Variants in VTI1A observed in about 807,000 individuals in gnomAD.
VTI1A encodes the protein vesicle transport through interaction with t-SNAREs homolog 1A.
Under a neutral mutation model 34.9 loss-of-function variants are expected in VTI1A, and 22 were observed. The ratio of observed to expected loss-of-function variants is 0.63; its 90% CI spans 0.45 to 0.90. The LOEUF is 0.90. Ranked by LOEUF, VTI1A falls within the 40% of genes least tolerant of loss-of-function variation. The pLI is 0.00. For synonymous variants in VTI1A, 87 were observed against 97.3 expected, an observed-to-expected ratio of 0.89 and a Z score of 0.62; for missense variants, 268 against 275.6, an observed-to-expected ratio of 0.97 and a Z score of 0.20.
chr10:112,503,582 C>T (rs537118826), intron 3 of VTI1A, among the ~76,000 whole-genome samples: 24 of 152,138 alleles, frequency 1.6e-4, no homozygotes, highest in African/African-American at 5.3e-4. Context: ...CAAATGTCTT[C>T]GTTAAATAAA....
intron 1 of VTI1A, among the ~76,000 whole-genome samples, chr10:112,455,749 A>G (rs1312822826): frequency 2.0e-5 from 3 of 151,350 alleles, no homozygotes; most frequent in African/African-American, 7.3e-5. Context: ...AACATGAGGA[A>G]CACTATAAGG....
At chr10:112,632,830 G>A (rs2134628506) in intron 5 of VTI1A, among the ~76,000 whole-genome samples, 1 of 152,272 alleles carries the variant, frequency 6.6e-6, no homozygotes, top group East Asian at 1.9e-4. Context: ...CATGCATGTT[G>A]ATTGTACATG....
At chr10:112,572,646 G>A (rs6585160) in intron 5 of VTI1A, among the ~76,000 whole-genome samples, 51,227 of 151,812 alleles carry the variant, frequency 0.34, 9,006 homozygotes, top group East Asian at 0.49. Context: ...AGACCATCTT[G>A]GCTAACACGG....
intron 7 of VTI1A, among the ~76,000 whole-genome samples, chr10:112,691,795 CCTT>C (rs1369254091): frequency 6.6e-6 from 1 of 152,116 alleles, no homozygotes; most frequent in East Asian, 1.9e-4. Context: ...AGTTGGCTAA[CCTT>C]CTAGTCAAAG....
chr10:112,786,904 C>T lies in VTI1A; in HGVS notation c.561-28386C>T, dbSNP rs183608755. Reference sequence around the variant, plus strand: ...AATATTTTTGTTTAACTTTTTTATCCGGGTGATACGGCCCTCATAGAACAA... The same window carrying T: ...AATATTTTTGTTTAACTTTTTTATCTGGGTGATACGGCCCTCATAGAACAA... On this transcript the variant is annotated intron_variant, in intron 7 of 7. Coordinates refer to ENST00000393077, the MANE Select transcript of VTI1A (RefSeq NM_145206.4). Among the ~76,000 whole-genome samples, 43 of 152,096 alleles carry T rather than the reference C, an allele frequency of 2.8e-4. No homozygotes were observed. The East Asian group carries it at 7.1e-3, about 25-fold the overall frequency.
At chr10:112,807,714 G>C (rs1281718012) in intron 7 of VTI1A, among the ~76,000 whole-genome samples, 1 of 152,146 alleles carries the variant, frequency 6.6e-6, no homozygotes, top group Non-Finnish European at 1.5e-5. Flanking sequence ...TTAGCTGGGC[G>C]TGGTGGCACA....
intron 5 of VTI1A, among the ~76,000 whole-genome samples, chr10:112,605,358 G>A (rs1845037289): frequency 6.6e-6 from 1 of 152,152 alleles, no homozygotes; most frequent in Non-Finnish European, 1.5e-5. Context: ...GAACCAACAA[G>A]TCACCTAAGA....
intron 7 of VTI1A, among the ~76,000 whole-genome samples, 159 bp from the exon 8 acceptor site, chr10:112,815,131 T>G (rs899817018): frequency 7.7e-6 from 1 of 130,410 alleles, no homozygotes; most frequent in East Asian, 2.4e-4. Context: ...GATGTCTCTT[T>G]CGCGCGCGCA....
chr10:112,791,380 G>A (rs565123221), intron 7 of VTI1A, among the ~76,000 whole-genome samples: 1 of 152,214 alleles, frequency 6.6e-6, no homozygotes, highest in Non-Finnish European at 1.5e-5. Context: ...AGGCCAGAGG[G>A]GGGTAGCACT....
At chr10:112,518,262 A>G (rs889283851) in intron 3 of VTI1A, among the ~76,000 whole-genome samples, 1 of 151,984 alleles carries the variant, frequency 6.6e-6, no homozygotes, top group African/African-American at 2.4e-5. Context: ...GTGAACAATC[A>G]GACCTTTGTG....
At chr10:112,820,456 C>G (rs1452737228), downstream of VTI1A, among the ~76,000 whole-genome samples, 2 of 152,240 alleles carry the variant, frequency 1.3e-5, no homozygotes, top group Admixed American at 1.3e-4. Context: ...TGCCTGTGAC[C>G]CATCAGACTC....
intron 5 of VTI1A, among the ~76,000 whole-genome samples, chr10:112,562,836 C>T (rs773156953): frequency 6.6e-6 from 1 of 152,096 alleles, no homozygotes; most frequent in Non-Finnish European, 1.5e-5. Flanking sequence ...TTTCCCTAAT[C>T]GGGCACTGTC....
At chr10:112,606,554 A>G (rs966353647) in intron 5 of VTI1A, among the ~76,000 whole-genome samples, 1 of 152,186 alleles carries the variant, frequency 6.6e-6, no homozygotes, top group African/African-American at 2.4e-5. Flanking sequence ...TCCCCATCAC[A>G]ACTTTCTCAT....
intron 3 of VTI1A, among the ~76,000 whole-genome samples, chr10:112,474,216 C>T (rs1239647754): frequency 6.6e-6 from 1 of 152,056 alleles, no homozygotes; most frequent in East Asian, 1.9e-4. Flanking sequence ...TGCCCGCCAC[C>T]ACACCTGGCT....
chr10:112,540,186 T>C (rs2134260680), intron 5 of VTI1A, among the ~76,000 whole-genome samples: 1 of 152,334 alleles, frequency 6.6e-6, no homozygotes, highest in South Asian at 2.1e-4. Flanking sequence ...TGAAAGAAGA[T>C]CGCAGATACC....
chr10:112,850,246 G>A, the VTI1A span, among the ~76,000 whole-genome samples: 44 of 152,078 alleles, frequency 2.9e-4, 2 homozygotes, highest in South Asian at 9.1e-3. Flanking sequence ...CAGGTCAGCG[G>A]GTCACCTGGG....
At chr10:112,815,090 G>T (rs533661612) in intron 7 of VTI1A, among the ~76,000 whole-genome samples, 200 bp from the exon 8 acceptor site, 1 of 151,222 alleles carries the variant, frequency 6.6e-6, no homozygotes, top group Admixed American at 6.6e-5. Context: ...TCGTTTCCTC[G>T]TGGATCGTTT....
At chr10:112,763,007 G>T (rs1430351204) in intron 7 of VTI1A, among the ~76,000 whole-genome samples, 2 of 152,044 alleles carry the variant, frequency 1.3e-5, no homozygotes, top group African/African-American at 2.4e-5. Context: ...CTACCTTTTG[G>T]CACCAAAAAC....
intron 3 of VTI1A, among the ~76,000 whole-genome samples, chr10:112,513,785 T>C (rs1262950176): frequency 1.3e-5 from 2 of 152,042 alleles, no homozygotes; most frequent in African/African-American, 2.4e-5. Context: ...TGTGCATTCA[T>C]TGAGATGATC....
Sources: gnomAD v4.1 joint callset for allele counts (sites outside exome capture counted in the v4.1 genomes callset) on GRCh38, gnomAD v4.1.1 for gene constraint, MANE v1.5 for transcripts, NCBI Gene and HGNC (gene_info 2026-07-23, HGNC 2026-07-21) for gene names.